Variants in NAMPT observed in about 807,000 individuals in gnomAD.
NAMPT encodes nicotinamide phosphoribosyltransferase.
A neutral mutation model predicts 58.7 loss-of-function variants in NAMPT; 7 were observed. That is an observed-to-expected ratio of 0.12 (90% CI 0.07 to 0.22). NAMPT has a LOEUF of 0.22. Among genes scored for constraint, NAMPT ranks in the 10% least tolerant of loss-of-function variants. The probability of loss-of-function intolerance (pLI) is 1.00; values close to 1 mark genes in which losing one functional copy is unlikely to be tolerated. For missense variants in NAMPT, 271 were observed against 567.9 expected (o/e 0.48, Z 5.31); for synonymous variants, 145 against 198.1 (o/e 0.73, Z 2.25).
chr7:106,268,732 T>TTATTGTCAGACATAA (rs1331024111), intron 5 of NAMPT, 132 bp from the exon 6 acceptor site: 2 of 678,880 alleles, frequency 2.9e-6, no homozygotes, highest in Middle Eastern at 2.4e-4. Context: ...AGGAAAGTAT[T>TTATTGTCAGACATAA]TATTGTCAGA....
chr7:106,285,175 AGGGCG>A, upstream of NAMPT: 2 of 1,226,444 alleles, frequency 1.6e-6, no homozygotes, highest in Non-Finnish European at 2.0e-6. Context: ...GGGCCGAGAA[AGGGCG>A]GGGCGCGGCA....
In NAMPT at chr7:106,261,109, C is replaced by T. The variant is rs191534830; in HGVS notation, c.1089+479G>A. Among the ~76,000 whole-genome samples the T allele has an allele frequency of 3.6e-3, 552 of 152,266 alleles. 1 individual carries two copies. The highest frequency in any genetic ancestry group is 6.5e-3 in the Non-Finnish European group (445 of 68,020). ...TTGCAAAGCACAATAAAATGAGGTA[C>T]GCCTGCATAACACTTATACTATCTG... On this transcript the variant is annotated intron_variant, in intron 8 of 10. Coordinates refer to ENST00000222553, the MANE Select transcript of NAMPT (RefSeq NM_005746.3).
intron 4 of NAMPT, 41 bp downstream of exon 4, chr7:106,272,479 CAATGGTCTTT>C (rs751469469): frequency 6.7e-7 from 1 of 1,502,550 alleles, no homozygotes; most frequent in Non-Finnish European, 9.1e-7. Context: ...AATCTCAGTT[CAATGGTCTTT>C]ATTCAATTAA....
intron 8 of NAMPT, among the ~76,000 whole-genome samples, chr7:106,260,640 A>G (rs1180489025): frequency 6.6e-6 from 1 of 152,182 alleles, no homozygotes; most frequent in Non-Finnish European, 1.5e-5. Flanking sequence ...CTTCCTCACT[A>G]AACTTAATCA....
chr7:106,284,788 C>T (rs1255026841), intron 1 of NAMPT, 40 bp downstream of exon 1: 6 of 1,442,304 alleles, frequency 4.2e-6, no homozygotes, highest in Non-Finnish European at 5.6e-6. Context: ...GTCCCCAGCG[C>T]GCCCCGCTCC....
At chr7:106,276,273 T>G (rs1270309601) in intron 2 of NAMPT, 1 of 152,194 alleles carries the variant, frequency 6.6e-6, no homozygotes, top group South Asian at 2.1e-4. Flanking sequence ...GTTTGGGAAC[T>G]GTTTTCCCCC....
intron 4 of NAMPT, chr7:106,272,218 G>T: frequency 3.6e-6 from 1 of 278,064 alleles, no homozygotes; most frequent in South Asian, 3.5e-5. Flanking sequence ...GAAATGTGCT[G>T]TTTTTCTAAG....
chr7:106,284,706 G>T, intron 1 of NAMPT, 122 bp downstream of exon 1: 2 of 867,770 alleles, frequency 2.3e-6, no homozygotes, highest in Non-Finnish European at 1.4e-6. Context: ...GGGCCTCCCC[G>T]CGCCGCGACC....
In NAMPT at chr7:106,284,904, G is replaced by A. The variant is rs771076256; in HGVS notation, c.-20C>T. 21 of 1,574,396 alleles carry A rather than the reference G, an allele frequency of 1.3e-5. No individual in the cohort carries two copies. Among genetic ancestry groups the A allele is most frequent in the South Asian group, 2.3e-5 (2 of 86,152 alleles). ...ATTCATCTCGGGCCGGAGGACAGGG[G>A]CCGCGCGCCGCGAGCTCCCTGGCGC... On this transcript the variant is annotated 5_prime_UTR_variant, in exon 1 of 11. Coordinates refer to ENST00000222553, the MANE Select transcript of NAMPT (RefSeq NM_005746.3).
At chr7:106,261,783 A>T (rs1401287584) in intron 7 of NAMPT, 76 bp from the exon 8 acceptor site, 1 of 1,458,790 alleles carries the variant, frequency 6.9e-7, no homozygotes, top group Admixed American at 1.9e-5. Context: ...AAGTTAAATG[A>T]TTTTGCTTTG....
intron 8 of NAMPT, among the ~76,000 whole-genome samples, chr7:106,258,888 A>G (rs1792255609): frequency 6.6e-6 from 1 of 151,996 alleles, no homozygotes; most frequent in African/African-American, 2.4e-5. Context: ...TAAAATGACA[A>G]CAATGAAGTT....
chr7:106,268,820 C>T (rs1792476578), intron 5 of NAMPT, among the ~76,000 whole-genome samples: 1 of 152,158 alleles, frequency 6.6e-6, no homozygotes, highest in Non-Finnish European at 1.5e-5. Context: ...TCAAAGAGAC[C>T]TATTTAACAG....
At chr7:106,268,341 G>T in intron 6 of NAMPT, 123 bp downstream of exon 6, 1 of 819,078 alleles carries the variant, frequency 1.2e-6, no homozygotes, top group Non-Finnish European at 1.9e-6. Flanking sequence ...CTGAATTTGT[G>T]TTGCTCAAGT....
At chr7:106,267,913 C>A (rs906866999) in intron 6 of NAMPT, among the ~76,000 whole-genome samples, 5 of 139,634 alleles carry the variant, frequency 3.6e-5, no homozygotes, top group Non-Finnish European at 7.6e-5. Flanking sequence ...AGCTCTAGGA[C>A]CAGAGCAGCT....
intron 8 of NAMPT, among the ~76,000 whole-genome samples, chr7:106,259,102 A>G (rs1792259378): frequency 6.6e-6 from 1 of 152,164 alleles, no homozygotes; most frequent in Non-Finnish European, 1.5e-5. Context: ...CTTTGCCAGC[A>G]GTAGATTTCA....
chr7:106,254,303 C>A, intron 9 of NAMPT, 61 bp downstream of exon 9: 1 of 1,577,502 alleles, frequency 6.3e-7, no homozygotes. Context: ...ACTCAATAAC[C>A]ACATTCTACC....
intron 9 of NAMPT, among the ~76,000 whole-genome samples, chr7:106,253,952 C>G (rs1250619913): frequency 1.3e-5 from 2 of 152,114 alleles, no homozygotes; most frequent in Non-Finnish European, 2.9e-5. Context: ...TAGAACATGA[C>G]TGTGGTATAA....
rs1333850304 is a variant in NAMPT, at chr7:106,248,372, TAACA to T, written c.*2707_*2710del. The stretch of plus-strand genomic sequence containing the variant: ...TGTTGAGTACATATTAGAATAGACT[TAACA>T]TACAACTTGGGAGAAAAGCTGACAT... On this transcript the variant is annotated 3_prime_UTR_variant, in exon 11 of 11. Transcript: ENST00000222553. The T allele has an allele frequency of 2.6e-5, 4 of 152,534 alleles. No individual in the cohort carries two copies. The highest frequency in any genetic ancestry group is 5.9e-5 in the Non-Finnish European group (4 of 67,990). 9.4% of individuals were successfully genotyped at this position (152,534 alleles called of 1,614,324 possible).
At chr7:106,281,715 G>C (rs1282128705) in intron 1 of NAMPT, among the ~76,000 whole-genome samples, 1 of 152,098 alleles carries the variant, frequency 6.6e-6, no homozygotes, top group Admixed American at 6.5e-5. Flanking sequence ...ACTGCTATTT[G>C]GCTTTGAAGC....
Sources: allele counts gnomAD v4.1 joint callset (sites outside exome capture counted in the v4.1 genomes callset), GRCh38; gene constraint gnomAD v4.1.1; transcripts MANE v1.5; gene names NCBI Gene and HGNC (gene_info 2026-07-23, HGNC 2026-07-21).